The following ZMPSTE24 variants were observed in gnomAD, a reference collection of about 807,000 sequenced individuals.
The protein encoded by ZMPSTE24 is CAAX prenyl protease 1 homolog.
Under a neutral mutation model 56.7 loss-of-function variants are expected in ZMPSTE24, and 48 were observed. That is an observed-to-expected ratio of 0.85 (90% CI 0.67 to 1.08). The LOEUF (loss-of-function observed/expected upper bound fraction) is 1.08, where lower values mean the gene tolerates loss of function less well. Ranked by LOEUF, ZMPSTE24 falls within the 50% of genes least tolerant of loss-of-function variation. The pLI is 0.00. For missense variants in ZMPSTE24, 503 were observed against 548.7 expected, an observed-to-expected ratio of 0.92 and a Z score of 0.83; for synonymous variants, 172 against 195.2, an observed-to-expected ratio of 0.88 and a Z score of 0.99.
chr1:40,259,200 G>A (rs1449616877), intron 1 of ZMPSTE24: 2 of 152,022 alleles, frequency 1.3e-5, no homozygotes, highest in Non-Finnish European at 2.9e-5. Flanking sequence ...TATATTTCTC[G>A]TTTTTCATAA....
At chr1:40,280,017 G>A (rs1024977029) in intron 6 of ZMPSTE24, among the ~76,000 whole-genome samples, 1 of 152,084 alleles carries the variant, frequency 6.6e-6, no homozygotes, top group African/African-American at 2.4e-5. Flanking sequence ...GGTTTGTTGT[G>A]TAAAATAAGA....
At chr1:40,285,854 C>CTAT (rs1643781833) in intron 7 of ZMPSTE24, 71 bp from the exon 8 acceptor site, 6 of 1,180,634 alleles carry the variant, frequency 5.1e-6, no homozygotes, top group Non-Finnish European at 3.7e-6. Flanking sequence ...CTATGAAGGG[C>CTAT]TATTACTGGG....
intron 6 of ZMPSTE24, among the ~76,000 whole-genome samples, chr1:40,279,796 C>T (rs1294193191): frequency 1.3e-5 from 2 of 152,122 alleles, no homozygotes; most frequent in African/African-American, 4.8e-5. Context: ...GTGCATACTT[C>T]TCAGATGTAA....
intron 1 of ZMPSTE24, among the ~76,000 whole-genome samples, chr1:40,259,094 G>A (rs958537229): frequency 6.6e-6 from 1 of 152,086 alleles, no homozygotes; most frequent in African/African-American, 2.4e-5. Flanking sequence ...GTAGGCGGAG[G>A]TTGCAGTGAG....
intron 6 of ZMPSTE24, among the ~76,000 whole-genome samples, chr1:40,280,994 C>G (rs1643723745): frequency 6.6e-6 from 1 of 152,168 alleles, no homozygotes; most frequent in African/African-American, 2.4e-5. Context: ...GTATCCTTCA[C>G]AATATATTGG....
chr1:40,267,263 TA>T (rs1643558991), intron 2 of ZMPSTE24, among the ~76,000 whole-genome samples: 1 of 152,152 alleles, frequency 6.6e-6, no homozygotes. Flanking sequence ...CAATGGTTAG[TA>T]CTCATCTAAA....
At chr1:40,283,144 G>A (rs536316396) in intron 7 of ZMPSTE24, among the ~76,000 whole-genome samples, 1 of 152,226 alleles carries the variant, frequency 6.6e-6, no homozygotes, top group Non-Finnish European at 1.5e-5. Flanking sequence ...CTTATAAATA[G>A]GAAAACTGAA....
At position 40,267,796 on chromosome 1, in the gene ZMPSTE24, T is replaced by C. The variant is rs281875364; in HGVS notation, c.281T>C (p.Leu94Pro). 6.2e-7 allele frequency: 1 copy of C among 1,612,700 alleles called. No individual in the cohort carries two copies. Among genetic ancestry groups the C allele is most frequent in the Admixed American group, 1.7e-5 (1 of 60,024 alleles). ...TGCTTTGTTTTATAGCTTATTCTTC[T>C]CTTTGGAGGAATACCTTATCTCTGG... Reference protein sequence around the residue: ...YSETEGTLILLFGGIPYLWRL... With the variant: ...YSETEGTLILPFGGIPYLWRL... The change falls in exon 3 of 10, where the codon CTC (leucine) becomes CCC (proline). Residue 94 changes from leucine to proline, a missense_variant. Transcript: ENST00000372759.
At position 40,260,902 on chromosome 1, in the gene ZMPSTE24, A is replaced by C. The variant is rs756632307; in HGVS notation, c.187A>C (p.Thr63Pro). The change falls in exon 2 of 10, where the codon ACA (threonine) becomes CCA (proline). Residue 63 changes from threonine (T) to proline (P), a missense_variant. Transcript: ENST00000372759. ...GTTAGGACAGATCATGGATTCTGAAACATTTGAGAAATCTCGACTCTATCA... is the reference window on the plus strand; with the variant it reads ...GTTAGGACAGATCATGGATTCTGAACCATTTGAGAAATCTCGACTCTATCA... ...PELGQIMDSE[T>P]FEKSRLYQLD... The C allele has an allele frequency of 1.9e-6, 3 of 1,614,204 alleles. No homozygotes were observed. The Admixed American group carries it at 5.0e-5, about 27-fold the overall frequency.
intron 7 of ZMPSTE24, among the ~76,000 whole-genome samples, chr1:40,282,724 A>C (rs1643742778): frequency 6.6e-6 from 1 of 152,158 alleles, no homozygotes; most frequent in Admixed American, 6.5e-5. Context: ...TTTGAGCCAG[A>C]TAATTTTTTT....
chr1:40,258,801 G>A lies in ZMPSTE24; in HGVS notation c.123+407G>A, dbSNP rs192771652. The stretch of plus-strand genomic sequence containing the variant: ...GATTTTGCAGTCCTTCCAAGAACTT[G>A]CACTCTTGTTTCTCCTTAAAGTGCA... On this transcript the variant is annotated intron_variant, in intron 1 of 9. Coordinates refer to ENST00000372759, the MANE Select transcript of ZMPSTE24 (RefSeq NM_005857.5). Among the ~76,000 whole-genome samples, 211 of 152,208 alleles carry A rather than the reference G, an allele frequency of 1.4e-3. 2 individuals carry two copies. The highest frequency in any genetic ancestry group is 0.01 in the Middle Eastern group (3 of 294).
intron 6 of ZMPSTE24, among the ~76,000 whole-genome samples, chr1:40,278,418 C>T (rs1215573933): frequency 6.6e-6 from 1 of 150,840 alleles, no homozygotes; most frequent in East Asian, 1.9e-4. Context: ...ATTAGCCGGG[C>T]GTGGTAGCGG....
At chr1:40,282,878 G>A (rs768830857) in intron 7 of ZMPSTE24, among the ~76,000 whole-genome samples, 11 of 152,166 alleles carry the variant, frequency 7.2e-5, no homozygotes, top group South Asian at 4.1e-4. Context: ...TAAAGGTAGC[G>A]GTGGGGCCGA....
chr1:40,260,737 A>G, intron 1 of ZMPSTE24, 102 bp from the exon 2 acceptor site: 1 of 1,223,408 alleles, frequency 8.2e-7, no homozygotes, highest in Non-Finnish European at 1.2e-6. Context: ...AGCAAATTCA[A>G]CAGATATAAG....
At position 40,292,551 on chromosome 1, in the gene ZMPSTE24, A is replaced by G; in HGVS notation, c.1310A>G (p.Lys437Arg). Residue 437 changes from lysine (K) to arginine (R), a missense_variant, in exon 10 of 10, where the codon AAA becomes AGA. Coordinates refer to ENST00000372759, the MANE Select transcript of ZMPSTE24 (RefSeq NM_005857.5). ...KAKDLYSALIKLNKDNLGFPV... is the reference protein window; with the variant it reads ...KAKDLYSALIRLNKDNLGFPV... ...AAAGACTTATATTCTGCTTTAATCAAACTTAACAAAGATAACTTGGGATTC... is the reference window on the plus strand; with the variant it reads ...AAAGACTTATATTCTGCTTTAATCAGACTTAACAAAGATAACTTGGGATTC... 1 of 1,614,152 alleles carries G rather than the reference A, an allele frequency of 6.2e-7. No homozygotes were observed.
intron 6 of ZMPSTE24, among the ~76,000 whole-genome samples, chr1:40,273,531 AAAAAAAATATATATATATAT>A (rs1643633598): frequency 3.1e-5 from 2 of 63,918 alleles, no homozygotes; most frequent in South Asian, 5.8e-4. Flanking sequence ...AAAAAAAAAA[AAAAAAAATATATATATATAT>A]ATATATATAT....
intron 8 of ZMPSTE24, among the ~76,000 whole-genome samples, chr1:40,289,888 G>A (rs1181328656): frequency 2.0e-5 from 3 of 152,098 alleles, no homozygotes; most frequent in South Asian, 2.1e-4. Flanking sequence ...GGTGGGAGGC[G>A]TTGTATCTGA....
At chr1:40,262,078 C>G (rs1198079024) in intron 2 of ZMPSTE24, among the ~76,000 whole-genome samples, 1 of 152,118 alleles carries the variant, frequency 6.6e-6, no homozygotes, top group African/African-American at 2.4e-5. Context: ...ACTAGTACCA[C>G]TAAGAGAAAG....
In ZMPSTE24 at chr1:40,260,810, A is replaced by G. The variant is rs775618275; in HGVS notation, c.124-29A>G. The G allele has an allele frequency of 3.1e-6, 5 of 1,605,086 alleles. No individual in the cohort carries two copies. The East Asian group carries it at 1.1e-4, about 36-fold the overall frequency. On this transcript the variant is annotated intron_variant, in intron 1 of 9. Transcript: ENST00000372759. ...GACTATTGTAATAAACAACTATTTC[A>G]CTAAAGTGTTTTCTTTAAAATATTT... is the stretch of plus-strand genomic sequence containing the variant.
Sources: allele counts gnomAD v4.1 joint callset (sites outside exome capture counted in the v4.1 genomes callset), GRCh38; gene constraint gnomAD v4.1.1; transcripts MANE v1.5; gene names NCBI Gene and HGNC (gene_info 2026-07-23, HGNC 2026-07-21).